The following SYNPR variants were observed in gnomAD, a reference collection of about 807,000 sequenced individuals.
The protein encoded by SYNPR is synaptoporin.
A neutral mutation model predicts 32.9 loss-of-function variants in SYNPR; 23 were observed. The ratio of observed to expected loss-of-function variants is 0.70; its 90% CI spans 0.50 to 0.99. The LOEUF (loss-of-function observed/expected upper bound fraction) is 0.99. Among genes scored for constraint, SYNPR ranks in the 50% least tolerant of loss-of-function variants. The pLI is 0.00. For missense variants in SYNPR, 318 were observed against 349.3 expected, an observed-to-expected ratio of 0.91 and a Z score of 0.71; for synonymous variants, 146 against 135.9, an observed-to-expected ratio of 1.07 and a Z score of -0.52.
intron 2 of SYNPR, chr3:63,443,603 T>G: frequency 6.9e-6 from 7 of 1,020,166 alleles, no homozygotes; most frequent in East Asian, 2.6e-5. Context: ...TAATAATCTC[T>G]ATTTTTCTTG....
intron 2 of SYNPR, among the ~76,000 whole-genome samples, chr3:63,361,683 T>C (rs1264831271): frequency 1.3e-5 from 2 of 151,496 alleles, no homozygotes; most frequent in South Asian, 2.1e-4. Flanking sequence ...AAGATTATTG[T>C]GAGGGTGATA....
intron 2 of SYNPR, among the ~76,000 whole-genome samples, chr3:63,418,263 G>T (rs1020246295): frequency 2.0e-5 from 3 of 152,092 alleles, no homozygotes; most frequent in African/African-American, 7.2e-5. Context: ...CTTTGTTCCA[G>T]TTCCTAACAA....
intron 2 of SYNPR, among the ~76,000 whole-genome samples, chr3:63,434,791 A>G (rs1311975845): frequency 1.3e-5 from 2 of 152,264 alleles, no homozygotes; most frequent in Non-Finnish European, 2.9e-5. Flanking sequence ...AAATAATAGA[A>G]GGAAAACAAA....
At chr3:63,360,711 G>T (rs151322533) in intron 2 of SYNPR, among the ~76,000 whole-genome samples, 3 of 152,106 alleles carry the variant, frequency 2.0e-5, no homozygotes, top group Admixed American at 6.5e-5. Context: ...CTAGAACACT[G>T]TCTGGCCACT....
chr3:63,486,879 T>C (rs1701165632), intron 3 of SYNPR, among the ~76,000 whole-genome samples: 1 of 152,118 alleles, frequency 6.6e-6, no homozygotes, highest in South Asian at 2.1e-4. Flanking sequence ...TTGGCAGTCA[T>C]AGTAGGGTGT....
chr3:63,503,226 T>C (rs140867249), intron 3 of SYNPR, among the ~76,000 whole-genome samples: 93 of 152,276 alleles, frequency 6.1e-4, no homozygotes, highest in African/African-American at 2.2e-3. Context: ...TTTTCATATA[T>C]TTATTTGCCC....
intron 4 of SYNPR, among the ~76,000 whole-genome samples, chr3:63,607,450 C>G (rs57219617): frequency 6.6e-6 from 1 of 152,094 alleles, no homozygotes; most frequent in African/African-American, 2.4e-5. Flanking sequence ...ACTGTTGAAA[C>G]AGCTGTAGAT....
chr3:63,593,921 C>T (rs1482524279), intron 4 of SYNPR, among the ~76,000 whole-genome samples: 2 of 152,054 alleles, frequency 1.3e-5, no homozygotes, highest in Non-Finnish European at 2.9e-5. Context: ...TAGAACAGTA[C>T]CCAGCCCATA....
At chr3:63,504,316 T>C (rs938327774) in intron 3 of SYNPR, among the ~76,000 whole-genome samples, 8 of 152,158 alleles carry the variant, frequency 5.3e-5, no homozygotes, top group Admixed American at 5.2e-4. Flanking sequence ...TGTCTGAAGC[T>C]CGCAAAATAA....
chr3:63,391,711 G>A (rs2088138865), intron 2 of SYNPR, among the ~76,000 whole-genome samples: 3 of 152,102 alleles, frequency 2.0e-5, no homozygotes, highest in African/African-American at 7.2e-5. Flanking sequence ...AGAAAATTGA[G>A]ACAAAGGAAG....
At chr3:63,354,540 A>G (rs1237729265) in intron 2 of SYNPR, among the ~76,000 whole-genome samples, 1 of 152,242 alleles carries the variant, frequency 6.6e-6, no homozygotes, top group Non-Finnish European at 1.5e-5. Context: ...GGCAAGTGGA[A>G]GCACATGAGA....
Position 63,493,402 on chromosome 3 carries a change from C to T in SYNPR, c.209+12446C>T, listed in dbSNP as rs79006427. Among the ~76,000 whole-genome samples the T allele has an allele frequency of 8.3e-3, 1,260 of 152,206 alleles. 59 individuals carry two copies. The East Asian group carries it at 0.13, about 16-fold the overall frequency. ...ACCAGGATTCACATTCTTAATTCCC[C>T]TTCCAGTATCCCACTGTGGGAATTC... On this transcript the variant is annotated intron_variant, in intron 3 of 5. Coordinates refer to ENST00000478300, the MANE Select transcript of SYNPR (RefSeq NM_001130003.2).
intron 2 of SYNPR, among the ~76,000 whole-genome samples, chr3:63,371,550 A>G (rs6802021): frequency 0.13 from 20,201 of 152,250 alleles, 2,118 homozygotes; most frequent in African/African-American, 0.28. Context: ...GAGCTCCCAG[A>G]GGGAGATGCA....
At chr3:63,465,208 A>G (rs183273483) in intron 2 of SYNPR, among the ~76,000 whole-genome samples, 1 of 152,296 alleles carries the variant, frequency 6.6e-6, no homozygotes, top group Admixed American at 6.5e-5. Context: ...TTTCATTAAA[A>G]TATAATGAGA....
At chr3:63,451,806 T>G (rs1471079864) in intron 2 of SYNPR, among the ~76,000 whole-genome samples, 1 of 152,176 alleles carries the variant, frequency 6.6e-6, no homozygotes, top group African/African-American at 2.4e-5. Flanking sequence ...TTCAAGGGTT[T>G]CTCATTTCTC....
intron 2 of SYNPR, among the ~76,000 whole-genome samples, chr3:63,460,635 C>T (rs1374483905): frequency 6.9e-6 from 1 of 145,116 alleles, no homozygotes; most frequent in East Asian, 2.0e-4. Flanking sequence ...AAGTAATTTG[C>T]TATTTGCAAA....
chr3:63,394,780 A>G (rs1412002053), intron 2 of SYNPR, among the ~76,000 whole-genome samples: 2 of 152,232 alleles, frequency 1.3e-5, no homozygotes, highest in Non-Finnish European at 2.9e-5. Flanking sequence ...GGGAATATCA[A>G]TATGTTCAGA....
chr3:63,255,927 G>A (rs548622215), intron 2 of SYNPR, among the ~76,000 whole-genome samples: 20 of 152,328 alleles, frequency 1.3e-4, no homozygotes, highest in East Asian at 3.9e-4. Context: ...ACTATATGCC[G>A]CGCCTAGCTC....
At chr3:63,550,193 C>CAT (rs1370329430) in intron 3 of SYNPR, 1 of 151,270 alleles carries the variant, frequency 6.6e-6, no homozygotes, top group African/African-American at 2.4e-5. Context: ...TGAATTTATA[C>CAT]ATATATATAA....
Sources: gnomAD v4.1 joint callset for allele counts (sites outside exome capture counted in the v4.1 genomes callset) on GRCh38, gnomAD v4.1.1 for gene constraint, MANE v1.5 for transcripts, NCBI Gene and HGNC (gene_info 2026-07-23, HGNC 2026-07-21) for gene names.